EYS: variants seen among roughly 807,000 people sequenced by gnomAD.
EYS encodes EGF-like photoreceptor maintenance factor.
A neutral mutation model predicts 282.1 loss-of-function variants in EYS; 250 were observed. The ratio of observed to expected loss-of-function variants is 0.89; its 90% CI spans 0.80 to 0.98. The LOEUF (loss-of-function observed/expected upper bound fraction) is 0.98, where lower values mean the gene tolerates loss of function less well. EYS is among the 50% of genes least tolerant of loss of function. The pLI, the probability that EYS is intolerant of heterozygous loss-of-function variation, is 0.00. For synonymous variants in EYS, 1,355 were observed against 1,282.9 expected (o/e 1.06, Z -1.20); for missense variants, 4,016 against 3,709.0 (o/e 1.08, Z -2.15).
At chr6:65,525,128 T>A (rs1369278373) in intron 2 of EYS, among the ~76,000 whole-genome samples, 2 of 152,190 alleles carry the variant, frequency 1.3e-5, no homozygotes, top group East Asian at 1.9e-4. Context: ...TACATAGGTA[T>A]ACATGTGCCA....
intron 34 of EYS, 142 bp from the exon 35 acceptor site, chr6:63,984,745 T>C (rs1052597211): frequency 2.9e-6 from 2 of 678,518 alleles, no homozygotes; most frequent in African/African-American, 1.8e-5. Context: ...GCTAGTTTTG[T>C]CACTTCTACT....
intron 12 of EYS, among the ~76,000 whole-genome samples, chr6:65,277,679 A>G (rs144307025): frequency 5.3e-5 from 8 of 152,274 alleles, no homozygotes; most frequent in African/African-American, 1.9e-4. Context: ...TATCCATCAT[A>G]GTAATTAAGT....
chr6:65,668,999 T>G (rs1273619562), intron 1 of EYS, among the ~76,000 whole-genome samples: 1 of 152,000 alleles, frequency 6.6e-6, no homozygotes, highest in Non-Finnish European at 1.5e-5. Context: ...GTTGACTTAG[T>G]ACCTATACAG....
chr6:64,172,467 A>C (rs1764507572), intron 31 of EYS, among the ~76,000 whole-genome samples: 1 of 152,168 alleles, frequency 6.6e-6, no homozygotes, highest in African/African-American at 2.4e-5. Context: ...CGAAATCAAC[A>C]CTGTAAGTGG....
At chr6:64,992,496 C>T (rs1771098062) in intron 14 of EYS, among the ~76,000 whole-genome samples, 1 of 151,636 alleles carries the variant, frequency 6.6e-6, no homozygotes, top group Non-Finnish European at 1.5e-5. Context: ...TACTTAAAAG[C>T]AATATTAATA....
In EYS at chr6:63,928,890, C is replaced by T. The variant is rs542231573; in HGVS notation, c.7055+55493G>A. Among the ~76,000 whole-genome samples the T allele has an allele frequency of 9.2e-4, 140 of 152,274 alleles. 1 individual carries two copies. Among genetic ancestry groups the T allele is most frequent in the African/African-American group, 3.3e-3 (136 of 41,564 alleles). ...CACTAATGGGATTTGAGAGGGAGTGCTGACAACACAATCAGTCTTTAAACG... is the reference window on the plus strand; with the variant it reads ...CACTAATGGGATTTGAGAGGGAGTGTTGACAACACAATCAGTCTTTAAACG... On this transcript the variant is annotated intron_variant, in intron 35 of 42. Transcript: ENST00000503581.
At position 64,226,562 on chromosome 6, in the gene EYS, A is replaced by C. The variant is rs1473952921; in HGVS notation, c.6424+4030T>G. ...CTGTCATTCTGAACTTTACAGTAGG[A>C]GACAGCCATCTGCCTGCATGCAGCC... On this transcript the variant is annotated intron_variant, in intron 31 of 42. Coordinates refer to ENST00000503581, the MANE Select transcript of EYS (RefSeq NM_001142800.2). Among the ~76,000 whole-genome samples the C allele has an allele frequency of 2.6e-5, 4 of 152,138 alleles. No individual in the cohort carries two copies. The East Asian group carries it at 7.7e-4, about 29-fold the overall frequency.
intron 22 of EYS, among the ~76,000 whole-genome samples, chr6:64,686,597 G>A (rs12205996): frequency 6.7e-6 from 1 of 149,306 alleles, no homozygotes; most frequent in Non-Finnish European, 1.5e-5. Context: ...AAAATTTAGC[G>A]GGCCATGGTG....
At position 65,023,499 on chromosome 6, in the gene EYS, G is replaced by A. The variant is rs186680892; in HGVS notation, c.2138-25796C>T. Among the ~76,000 whole-genome samples, 537 of 152,264 alleles carry A rather than the reference G, an allele frequency of 3.5e-3. 3 individuals are homozygous for A. The highest frequency in any genetic ancestry group is 4.6e-3 in the Non-Finnish European group (310 of 68,016). ...GTGTTTTTGTTGTTGTTGAAGTGGC[G>A]ATAATTGTGGATTTCCTGCCGTTGA... On this transcript the variant is annotated intron_variant, in intron 13 of 42. Transcript: ENST00000503581.
chr6:64,868,423 G>A (rs1320116319), intron 19 of EYS, among the ~76,000 whole-genome samples: 5 of 151,392 alleles, frequency 3.3e-5, no homozygotes, highest in East Asian at 3.9e-4. Context: ...TTACAGCTTC[G>A]TTATACCTAA....
chr6:64,036,590 C>G (rs947506495), intron 33 of EYS, among the ~76,000 whole-genome samples: 2 of 151,978 alleles, frequency 1.3e-5, no homozygotes, highest in Non-Finnish European at 2.9e-5. Flanking sequence ...CGCAGGTGAA[C>G]AATGAGGGCA....
At chr6:64,789,511 C>T (rs1399860184) in intron 22 of EYS, among the ~76,000 whole-genome samples, 1 of 152,104 alleles carries the variant, frequency 6.6e-6, no homozygotes, top group Non-Finnish European at 1.5e-5. Flanking sequence ...CCAAATTGTC[C>T]ACTAAAATAA....
At chr6:64,246,296 A>G (rs1303991605) in intron 30 of EYS, among the ~76,000 whole-genome samples, 2 of 151,840 alleles carry the variant, frequency 1.3e-5, no homozygotes, top group Admixed American at 1.3e-4. Context: ...TGTTAGCATG[A>G]ACGTTATATA....
At chr6:65,431,881 T>C (rs1309491072) in intron 5 of EYS, among the ~76,000 whole-genome samples, 12 of 152,134 alleles carry the variant, frequency 7.9e-5, no homozygotes, top group Admixed American at 7.9e-4. Flanking sequence ...ATTTCTGAAT[T>C]TTTGAAGATC....
At chr6:64,248,610 G>C (rs1284809684) in intron 30 of EYS, among the ~76,000 whole-genome samples, 2 of 152,042 alleles carry the variant, frequency 1.3e-5, no homozygotes, top group East Asian at 3.9e-4. Flanking sequence ...ACAGGGAAAA[G>C]GTAACTTTTA....
chr6:63,925,202 T>G (rs1226937086), intron 35 of EYS, among the ~76,000 whole-genome samples: 2 of 152,174 alleles, frequency 1.3e-5, no homozygotes. Context: ...GGGGAGAAGT[T>G]GTGGGCAATG....
At position 64,202,703 on chromosome 6, in the gene EYS, G is replaced by A. The variant is rs536942939; in HGVS notation, c.6424+27889C>T. Among the ~76,000 whole-genome samples the A allele has an allele frequency of 7.9e-5, 12 of 152,252 alleles. No homozygotes were observed. In the East Asian group the frequency reaches 1.5e-3, roughly 20 times the overall value. On this transcript the variant is annotated intron_variant, in intron 31 of 42. Coordinates refer to ENST00000503581, the MANE Select transcript of EYS (RefSeq NM_001142800.2). ...TGTAATTAACATAGAACCTTGAGACGAGATCATCCTCCATGAGAGTAGGCC... is the reference window on the plus strand; with the variant it reads ...TGTAATTAACATAGAACCTTGAGACAAGATCATCCTCCATGAGAGTAGGCC...
chr6:64,795,766 G>GTATC (rs1483741276), intron 22 of EYS, among the ~76,000 whole-genome samples: 1 of 152,134 alleles, frequency 6.6e-6, no homozygotes, highest in Admixed American at 6.5e-5. Context: ...CCCCTAATGA[G>GTATC]CTGTGACAGA....
chr6:64,260,928 G>A (rs947856886), intron 30 of EYS, among the ~76,000 whole-genome samples: 5 of 151,620 alleles, frequency 3.3e-5, no homozygotes, highest in South Asian at 2.1e-4. Flanking sequence ...TATATTTATG[G>A]GGTACATGTG....
Sources: allele counts gnomAD v4.1 joint callset (sites outside exome capture counted in the v4.1 genomes callset), GRCh38; gene constraint gnomAD v4.1.1; transcripts MANE v1.5; gene names NCBI Gene and HGNC (gene_info 2026-07-23, HGNC 2026-07-21).